MATCAP2: variants seen among roughly 807,000 people sequenced by gnomAD.
MATCAP2 encodes the protein microtubule associated tyrosine carboxypeptidase 2, also known as putative tyrosine carboxypeptidase MATCAP2.
chr7:36,366,736 T>G, the MATCAP2 span: 1 of 1,535,272 alleles, frequency 6.5e-7, no homozygotes, highest in Non-Finnish European at 8.7e-7. Context: ...AAGGGGCCGA[T>G]TTCTCTCTTC....
the MATCAP2 span, among the ~76,000 whole-genome samples, chr7:36,349,766 G>A: frequency 1.3e-5 from 2 of 152,198 alleles, no homozygotes; most frequent in Non-Finnish European, 2.9e-5. Flanking sequence ...AAGAACCTGA[G>A]AATGTACATG....
At chr7:36,388,314 C>A in the MATCAP2 span, among the ~76,000 whole-genome samples, 2 of 148,620 alleles carry the variant, frequency 1.3e-5, no homozygotes, top group South Asian at 2.1e-4. Context: ...AAAAAAAAAA[C>A]CCATGGGTTA....
At chr7:36,333,843 A>G in the MATCAP2 span, 1 of 1,582,518 alleles carries the variant, frequency 6.3e-7, no homozygotes, top group South Asian at 1.1e-5. Context: ...ACCTAGAGTT[A>G]AGGGACACCC....
chr7:36,381,318 G>A, the MATCAP2 span, among the ~76,000 whole-genome samples: 1 of 152,070 alleles, frequency 6.6e-6, no homozygotes, highest in Non-Finnish European at 1.5e-5. Flanking sequence ...CATGTGGGTG[G>A]ATGAAAAGGG....
chr7:36,347,452 G>A, the MATCAP2 span, among the ~76,000 whole-genome samples: 2 of 152,164 alleles, frequency 1.3e-5, no homozygotes, highest in African/African-American at 4.8e-5. Flanking sequence ...GTAGGATAAT[G>A]CTGTGGAAAC....
chr7:36,346,137 A>T, the MATCAP2 span, among the ~76,000 whole-genome samples: 1 of 152,174 alleles, frequency 6.6e-6, no homozygotes, highest in Admixed American at 6.5e-5. Context: ...GGAAAAAAAA[A>T]GGGCTGATGA....
chr7:36,350,907 A>C, the MATCAP2 span, among the ~76,000 whole-genome samples: 1 of 152,172 alleles, frequency 6.6e-6, no homozygotes, highest in East Asian at 1.9e-4. Flanking sequence ...ACTGTGGCTC[A>C]AACAAAATAA....
chr7:36,328,662 T>C, the MATCAP2 span, among the ~76,000 whole-genome samples: 11 of 152,022 alleles, frequency 7.2e-5, no homozygotes, highest in African/African-American at 2.7e-4. Flanking sequence ...GAGAATAATT[T>C]GAACCCAGGA....
chr7:36,344,193 A>G, the MATCAP2 span, among the ~76,000 whole-genome samples: 1 of 152,212 alleles, frequency 6.6e-6, no homozygotes, highest in African/African-American at 2.4e-5. Flanking sequence ...CACAGGCTGT[A>G]GGCAAAAAGC....
chr7:36,326,893 A>C, the MATCAP2 span: 2 of 1,613,060 alleles, frequency 1.2e-6, no homozygotes, highest in South Asian at 2.2e-5. Context: ...CAATCCTTTT[A>C]AGCGATCCAC....
the MATCAP2 span, among the ~76,000 whole-genome samples, chr7:36,388,980 C>A: frequency 5.3e-5 from 8 of 152,190 alleles, no homozygotes; most frequent in East Asian, 1.9e-4. Context: ...GAGGGCCAGG[C>A]CTGCAGTCCC....
At chr7:36,356,986 G>A in the MATCAP2 span, 1 of 1,614,178 alleles carries the variant, frequency 6.2e-7, no homozygotes, top group South Asian at 1.1e-5. Context: ...ACTGAGGATT[G>A]TAGGTATAGT....
chr7:36,366,966 G>T, the MATCAP2 span: 1 of 1,343,544 alleles, frequency 7.4e-7, no homozygotes, highest in South Asian at 1.9e-5. Context: ...CGGGGCGGCG[G>T]GCTCCGCGGG....
chr7:36,356,579 A>G, the MATCAP2 span: 2 of 510,956 alleles, frequency 3.9e-6, no homozygotes, highest in Non-Finnish European at 6.9e-6. Flanking sequence ...GCTACCCAAC[A>G]CTTGTCTGTA....
chr7:36,380,518 G>A, the MATCAP2 span, among the ~76,000 whole-genome samples: 6 of 152,180 alleles, frequency 3.9e-5, no homozygotes, highest in Admixed American at 6.5e-5. Context: ...GCAGCAAGAA[G>A]GACAAGAGAC....
chr7:36,325,154 T>G, the MATCAP2 span: 1 of 152,230 alleles, frequency 6.6e-6, no homozygotes, highest in Non-Finnish European at 1.5e-5. Context: ...GCTAGAGGTG[T>G]AAGAGCAGAT....
At chr7:36,387,597 A>G in the MATCAP2 span, among the ~76,000 whole-genome samples, 1 of 152,188 alleles carries the variant, frequency 6.6e-6, no homozygotes, top group Non-Finnish European at 1.5e-5. Context: ...TTTCTGGCAC[A>G]TAGTAGGTGT....
chr7:36,379,813 TACACACACACAC>T, the MATCAP2 span, among the ~76,000 whole-genome samples: 196 of 124,302 alleles, frequency 1.6e-3, no homozygotes, highest in African/African-American at 5.2e-3. Flanking sequence ...CAATGGTAAG[TACACACACACAC>T]ACACACACAC....
chr7:36,342,966 A>G, the MATCAP2 span, among the ~76,000 whole-genome samples: 1 of 152,154 alleles, frequency 6.6e-6, no homozygotes, highest in Non-Finnish European at 1.5e-5. Context: ...AGCTCTGTGA[A>G]GAACTGTGAT....
Sources: gnomAD v4.1 joint callset for allele counts (sites outside exome capture counted in the v4.1 genomes callset) on GRCh38, gnomAD v4.1.1 for gene constraint, MANE v1.5 for transcripts, NCBI Gene and HGNC (gene_info 2026-07-23, HGNC 2026-07-21) for gene names.